The following EPN2 variants were observed in gnomAD, a reference collection of about 807,000 sequenced individuals.
The protein encoded by EPN2 is epsin-2.
In EPN2, 34 loss-of-function variants were observed where a neutral mutation model predicts 61.7. The ratio of observed to expected loss-of-function variants is 0.55; its 90% CI spans 0.42 to 0.73. The LOEUF (loss-of-function observed/expected upper bound fraction) is 0.73, where lower values mean the gene tolerates loss of function less well. Among genes scored for constraint, EPN2 ranks in the 30% least tolerant of loss-of-function variants. The pLI is 0.00. For missense variants in EPN2, 714 were observed against 839.2 expected (o/e 0.85, Z 1.84); for synonymous variants, 349 against 353.6 (o/e 0.99, Z 0.15).
At chr17:19,322,027 T>C (rs1376636496) in intron 7 of EPN2, among the ~76,000 whole-genome samples, 1 of 152,166 alleles carries the variant, frequency 6.6e-6, no homozygotes, top group East Asian at 1.9e-4. Flanking sequence ...GGGCAGATTT[T>C]TGTTTACTGA....
chr17:19,256,278 C>CA (rs1264281293), intron 1 of EPN2, among the ~76,000 whole-genome samples: 1 of 151,818 alleles, frequency 6.6e-6, no homozygotes, highest in Admixed American at 6.6e-5. Context: ...GGGGCCTGAG[C>CA]AAAAATGTTT....
intron 4 of EPN2, among the ~76,000 whole-genome samples, chr17:19,303,426 C>T (rs1905638017): frequency 6.6e-6 from 1 of 152,232 alleles, no homozygotes; most frequent in East Asian, 1.9e-4. Flanking sequence ...AGCACGTTCT[C>T]CATTTCTCCG....
chr17:19,290,490 C>T (rs142632098), intron 4 of EPN2, among the ~76,000 whole-genome samples: 3 of 152,088 alleles, frequency 2.0e-5, no homozygotes, highest in African/African-American at 7.2e-5. Context: ...CAAGGACACT[C>T]TAAGGCCAGG....
At position 19,252,850 on chromosome 17, in the gene EPN2, C is replaced by T. The variant is rs193037491; in HGVS notation, c.-294+15319C>T. On this transcript the variant is annotated intron_variant, in intron 1 of 10. Transcript: ENST00000314728. ...GGCTACAGGTGCGTGTCACCATCGC[C>T]GGCAAATTTTTTGTATTTTTTTTAG... Among the ~76,000 whole-genome samples, 45 of 152,052 alleles carry T rather than the reference C, an allele frequency of 3.0e-4. No homozygotes were observed. In the East Asian group the frequency reaches 3.5e-3, roughly 12 times the overall value.
At chr17:19,263,741 T>G (rs1034592542) in intron 1 of EPN2, among the ~76,000 whole-genome samples, 2 of 152,214 alleles carry the variant, frequency 1.3e-5, no homozygotes, top group Non-Finnish European at 1.5e-5. Flanking sequence ...GTCACCTTGG[T>G]GCATTTGACC....
intron 1 of EPN2, among the ~76,000 whole-genome samples, chr17:19,239,062 C>T (rs1187462018): frequency 1.3e-5 from 2 of 152,220 alleles, no homozygotes; most frequent in African/African-American, 2.4e-5. Context: ...TCAAAAGGGA[C>T]TACAATTTGC....
chr17:19,295,364 A>ACGCGCGCG (rs374152445), intron 4 of EPN2, among the ~76,000 whole-genome samples: 1,894 of 81,638 alleles, frequency 0.023, 21 homozygotes, highest in Non-Finnish European at 0.042. Context: ...ACACACACAC[A>ACGCGCGCG]CACGCGCGTG....
At chr17:19,268,425 A>G (rs2045221754) in intron 1 of EPN2, among the ~76,000 whole-genome samples, 1 of 152,032 alleles carries the variant, frequency 6.6e-6, no homozygotes, top group Non-Finnish European at 1.5e-5. Flanking sequence ...TGGCATGATC[A>G]TGGCTCACTG....
At chr17:19,256,731 T>G (rs2045084311) in intron 1 of EPN2, among the ~76,000 whole-genome samples, 1 of 152,132 alleles carries the variant, frequency 6.6e-6, no homozygotes. Context: ...GACTTAAAAT[T>G]TAGCTGTGAA....
Position 19,285,681 on chromosome 17 carries a change from G to C in EPN2, c.657G>C (p.Glu219Asp). Reference sequence around the variant, plus strand: ...GGGCCCCGCTGGGTCAGAGTGAGGAGCTGCAGCCACTGAGCCAGCGCCACC... The same window carrying C: ...GGGCCCCGCTGGGTCAGAGTGAGGACCTGCAGCCACTGAGCCAGCGCCACC... ...RTGAPLGQSE[E>D]LQPLSQRHPF... Residue 219 changes from glutamate to aspartate, a missense_variant, in exon 4 of 11, where the codon GAG becomes GAC. Glu to Asp is a conservative substitution (Grantham distance 45). Coordinates refer to ENST00000314728, the MANE Select transcript of EPN2 (RefSeq NM_014964.5). This position sits in a 1 kb window ranked among gnomAD's most constrained non-coding sequence, Gnocchi z 4.5. 6.3e-7 allele frequency: 1 copy of C among 1,583,354 alleles called. No homozygotes were observed. The highest frequency in any genetic ancestry group is 1.2e-5 in the South Asian group (1 of 86,930).
chr17:19,271,210 G>A (rs2045249643), intron 1 of EPN2, among the ~76,000 whole-genome samples: 1 of 152,134 alleles, frequency 6.6e-6, no homozygotes, highest in Non-Finnish European at 1.5e-5. Context: ...CATAAGAAAT[G>A]TCAGATAGAG....
chr17:19,295,113 CT>C (rs1251984445), intron 4 of EPN2, among the ~76,000 whole-genome samples: 1 of 152,028 alleles, frequency 6.6e-6, no homozygotes, highest in Non-Finnish European at 1.5e-5. Context: ...CTCTTATTTG[CT>C]TTGTTTTGTC....
At chr17:19,296,939 T>C (rs1030079625) in intron 4 of EPN2, 3 of 152,290 alleles carry the variant, frequency 2.0e-5, no homozygotes, top group African/African-American at 7.2e-5. Context: ...CTGGACTTTT[T>C]CCCAAGCATT....
intron 3 of EPN2, among the ~76,000 whole-genome samples, chr17:19,284,850 C>CGAGCTTG (rs1318013929): frequency 6.6e-6 from 1 of 152,158 alleles, no homozygotes; most frequent in Non-Finnish European, 1.5e-5. Context: ...GAATTATTAC[C>CGAGCTTG]GAGCTTGGAG....
intron 1 of EPN2, among the ~76,000 whole-genome samples, chr17:19,258,209 G>A (rs755806488): frequency 5.3e-5 from 8 of 152,164 alleles, no homozygotes; most frequent in Admixed American, 1.3e-4. Context: ...TGGTGAGGAA[G>A]ATGATTTCAG....
At chr17:19,315,532 G>C (rs541351165) in intron 7 of EPN2, among the ~76,000 whole-genome samples, 1 of 152,124 alleles carries the variant, frequency 6.6e-6, no homozygotes, top group Non-Finnish European at 1.5e-5. Flanking sequence ...TATTGCCCAG[G>C]CTGGAGTGCA....
At chr17:19,326,112 TA>T (rs1250682580) in intron 7 of EPN2, among the ~76,000 whole-genome samples, 2 of 152,120 alleles carry the variant, frequency 1.3e-5, no homozygotes, top group African/African-American at 4.8e-5. Context: ...CAAAAGATAT[TA>T]AAACTTAAGC....
chr17:19,332,078 C>T lies in EPN2; in HGVS notation c.1627+10C>T, dbSNP rs371161205. 1.9e-6 allele frequency: 3 copies of T among 1,598,318 alleles called. No individual in the cohort carries two copies. Among genetic ancestry groups the T allele is most frequent in the Non-Finnish European group, 2.6e-6 (3 of 1,173,346 alleles). Reference sequence around the variant, plus strand: ...CCTTTCCTGGCACCAGGTAGGCTCTCATCCCAGGCTTCATCCATTGCCTGC... The same window carrying T: ...CCTTTCCTGGCACCAGGTAGGCTCTTATCCCAGGCTTCATCCATTGCCTGC... On this transcript the variant is annotated intron_variant, in intron 10 of 10. Transcript: ENST00000314728.
intron 4 of EPN2, among the ~76,000 whole-genome samples, chr17:19,301,355 T>C (rs1905508957): frequency 6.6e-6 from 1 of 152,296 alleles, no homozygotes; most frequent in East Asian, 1.9e-4. Context: ...TTCATCCTAC[T>C]TTACGGGGGA....
Sources: gnomAD v4.1 joint callset for allele counts (sites outside exome capture counted in the v4.1 genomes callset) on GRCh38, gnomAD v4.1.1 for gene constraint, Gnocchi (gnomAD v3.1) non-coding constraint, MANE v1.5 for transcripts, NCBI Gene and HGNC (gene_info 2026-07-23, HGNC 2026-07-21) for gene names.